The following CYP19A1 variants were observed in gnomAD, a reference collection of about 807,000 sequenced individuals.
CYP19A1 encodes the protein cytochrome P450 family 19 subfamily A member 1, also known as aromatase.
Under a neutral mutation model 44.4 loss-of-function variants are expected in CYP19A1, and 32 were observed. That is an observed-to-expected ratio of 0.72 (90% CI 0.54 to 0.97). The LOEUF is 0.97. Ranked by LOEUF, CYP19A1 falls within the 50% of genes least tolerant of loss-of-function variation. The probability of loss-of-function intolerance (pLI) is 0.00; values close to 1 mark genes in which losing one functional copy is unlikely to be tolerated. For synonymous variants in CYP19A1, 212 were observed against 215.6 expected (o/e 0.98, Z 0.14); for missense variants, 598 against 637.8 (o/e 0.94, Z 0.67).
At chr15:51,261,094 G>A (rs988987181) in intron 1 of CYP19A1, among the ~76,000 whole-genome samples, 3 of 152,186 alleles carry the variant, frequency 2.0e-5, no homozygotes, top group African/African-American at 7.2e-5. Flanking sequence ...CGGGCTAGAG[G>A]CTCGCCATTG....
intron 1 of CYP19A1, among the ~76,000 whole-genome samples, chr15:51,266,860 A>T (rs2034939175): frequency 6.6e-6 from 1 of 152,170 alleles, no homozygotes; most frequent in Admixed American, 6.5e-5. Context: ...AGGAGCTTTC[A>T]TTCTGGAAGG....
intron 1 of CYP19A1, among the ~76,000 whole-genome samples, chr15:51,295,315 C>T (rs2035970858): frequency 6.6e-6 from 1 of 152,164 alleles, no homozygotes; most frequent in Non-Finnish European, 1.5e-5. Flanking sequence ...TGCACAGGAG[C>T]GCAGACCAGC....
intron 1 of CYP19A1, among the ~76,000 whole-genome samples, chr15:51,300,926 A>G (rs560553427): frequency 6.6e-6 from 1 of 152,308 alleles, no homozygotes; most frequent in South Asian, 2.1e-4. Context: ...GGCCAGCAAA[A>G]TGTTTTAGGA....
At chr15:51,303,454 A>G (rs147078399) in intron 1 of CYP19A1, among the ~76,000 whole-genome samples, 96 of 152,128 alleles carry the variant, frequency 6.3e-4, no homozygotes, top group African/African-American at 2.2e-3. Context: ...TGTCATCACT[A>G]TAAAGTCAAG....
chr15:51,295,346 C>G (rs2035971745), intron 1 of CYP19A1, among the ~76,000 whole-genome samples: 1 of 152,156 alleles, frequency 6.6e-6, no homozygotes, highest in South Asian at 2.1e-4. Context: ...CCCCTCTTCT[C>G]TCAGTTTCCT....
At chr15:51,211,992 A>G (rs1371600168) in intron 9 of CYP19A1, among the ~76,000 whole-genome samples, 1 of 152,178 alleles carries the variant, frequency 6.6e-6, no homozygotes. Flanking sequence ...CATGATGACA[A>G]AGTTTAAATG....
At chr15:51,228,328 T>C (rs1357718497) in intron 3 of CYP19A1, among the ~76,000 whole-genome samples, 2 of 152,174 alleles carry the variant, frequency 1.3e-5, no homozygotes, top group Non-Finnish European at 2.9e-5. Flanking sequence ...TCATCCAGCC[T>C]CACTCCACAA....
At position 51,228,036 on chromosome 15, in the gene CYP19A1, C is replaced by G. The variant is rs2032737767; in HGVS notation, c.297-103G>C. 6 of 768,754 alleles carry G rather than the reference C, an allele frequency of 7.8e-6. No individual in the cohort carries two copies. In the South Asian group the frequency reaches 8.2e-5, roughly 11 times the overall value. The allele number at this position is 768,754 out of a possible 1,614,324, so 47.6% of individuals were successfully genotyped here. On this transcript the variant is annotated intron_variant, in intron 3 of 9. Transcript: ENST00000396402. ...GCTCTCTTAGCAAATGCATGTTGCT[C>G]CAAATGCAATGTGCATGATTTCTAG...
chr15:51,250,686 A>G (rs1415349148), intron 1 of CYP19A1, among the ~76,000 whole-genome samples: 1 of 152,170 alleles, frequency 6.6e-6, no homozygotes, highest in Non-Finnish European at 1.5e-5. Context: ...CCCAGATCCT[A>G]TTGCATTGGG....
At chr15:51,321,264 T>G (rs1303447430) in intron 1 of CYP19A1, among the ~76,000 whole-genome samples, 1 of 152,194 alleles carries the variant, frequency 6.6e-6, no homozygotes, top group African/African-American at 2.4e-5. Flanking sequence ...TCATCACTGA[T>G]GGACCCTGTG....
chr15:51,319,627 G>A (rs1024368233), intron 1 of CYP19A1, among the ~76,000 whole-genome samples: 2 of 152,156 alleles, frequency 1.3e-5, no homozygotes, highest in Non-Finnish European at 2.9e-5. Flanking sequence ...TTCTTCATTG[G>A]CTGCAGGAAT....
At chr15:51,321,850 G>C (rs1298826831) in intron 1 of CYP19A1, 1 of 152,326 alleles carries the variant, frequency 6.6e-6, no homozygotes, top group Non-Finnish European at 1.5e-5. Flanking sequence ...ATGCTGGGAA[G>C]GGGGAAGGCC....
chr15:51,219,362 C>G (rs959671894), intron 5 of CYP19A1, among the ~76,000 whole-genome samples: 1 of 152,006 alleles, frequency 6.6e-6, no homozygotes, highest in Non-Finnish European at 1.5e-5. Context: ...CAAATTATAC[C>G]AGATAATATA....
At chr15:51,280,782 A>G (rs1167348155) in intron 1 of CYP19A1, among the ~76,000 whole-genome samples, 2 of 152,204 alleles carry the variant, frequency 1.3e-5, no homozygotes, top group Non-Finnish European at 2.9e-5. Context: ...GTGTCAACGA[A>G]TGTAGTCCAG....
chr15:51,215,916 AT>A, intron 6 of CYP19A1, 99 bp from the exon 7 acceptor site: 1 of 1,579,682 alleles, frequency 6.3e-7, no homozygotes, highest in Non-Finnish European at 8.6e-7. Flanking sequence ...ATCTGCTTTA[AT>A]TGAAAACATT....
chr15:51,314,125 A>C (rs2036375195), intron 1 of CYP19A1: 1 of 151,934 alleles, frequency 6.6e-6, no homozygotes, highest in Non-Finnish European at 1.5e-5. Context: ...GAGGGAGCAG[A>C]GGGAATATCC....
At chr15:51,279,170 G>A (rs2035429627) in intron 1 of CYP19A1, 1 of 152,214 alleles carries the variant, frequency 6.6e-6, no homozygotes, top group African/African-American at 2.4e-5. Flanking sequence ...CAAAGACTTG[G>A]ATTAAAAGCA....
chr15:51,217,127 C>T (rs1457197372), intron 6 of CYP19A1, among the ~76,000 whole-genome samples: 3 of 152,220 alleles, frequency 2.0e-5, no homozygotes, highest in Non-Finnish European at 4.4e-5. Context: ...CTCAGCTGGG[C>T]TGTGGTGCCC....
intron 1 of CYP19A1, among the ~76,000 whole-genome samples, chr15:51,279,345 G>A (rs1466676735): frequency 6.6e-6 from 1 of 152,202 alleles, no homozygotes; most frequent in African/African-American, 2.4e-5. Flanking sequence ...TGGGGGCTGG[G>A]ATGGGAGCCC....
Sources: allele counts gnomAD v4.1 joint callset (sites outside exome capture counted in the v4.1 genomes callset), GRCh38; gene constraint gnomAD v4.1.1; transcripts MANE v1.5; gene names NCBI Gene and HGNC (gene_info 2026-07-23, HGNC 2026-07-21).